The following ARL15 variants were observed in gnomAD, a reference collection of about 807,000 sequenced individuals.
ARL15 encodes the protein ADP-ribosylation factor-like protein 15.
ARL15 carries 19 observed loss-of-function variants against 25.2 expected under a neutral mutation model. That is an observed-to-expected ratio of 0.75 (90% CI 0.53 to 1.10). ARL15 has a LOEUF of 1.10. Ranked by LOEUF, ARL15 falls within the 50% of genes least tolerant of loss-of-function variation. The pLI, the probability that ARL15 is intolerant of heterozygous loss-of-function variation, is 0.00. For missense variants in ARL15, 220 were observed against 246.0 expected (o/e 0.89, Z 0.71); for synonymous variants, 94 against 86.8 (o/e 1.08, Z -0.46).
At chr5:54,112,243 T>C (rs1752763859) in intron 4 of ARL15, among the ~76,000 whole-genome samples, 1 of 152,172 alleles carries the variant, frequency 6.6e-6, no homozygotes, top group South Asian at 2.1e-4. Flanking sequence ...TCATAATAAA[T>C]TGGATTATTC....
chr5:54,029,902 C>T (rs1749921252), intron 4 of ARL15, among the ~76,000 whole-genome samples: 1 of 151,824 alleles, frequency 6.6e-6, no homozygotes, highest in Admixed American at 6.6e-5. Flanking sequence ...GAGGCTGAGG[C>T]AGGAGAATTA....
intron 1 of ARL15, among the ~76,000 whole-genome samples, chr5:54,282,101 A>C (rs554723975): frequency 6.6e-6 from 1 of 152,260 alleles, no homozygotes; most frequent in Admixed American, 6.5e-5. Context: ...AGAATTACTC[A>C]GTCACAAGAT....
At chr5:53,990,958 T>C (rs1362819475) in intron 4 of ARL15, among the ~76,000 whole-genome samples, 1 of 150,600 alleles carries the variant, frequency 6.6e-6, no homozygotes, top group Non-Finnish European at 1.5e-5. Context: ...AGAAACACTA[T>C]TTTTTTTTCT....
In ARL15 at chr5:53,928,649, C is replaced by T. The variant is rs558659631; in HGVS notation, c.463-41936G>A. On this transcript the variant is annotated intron_variant, in intron 4 of 4. Transcript: ENST00000504924. ...TAATATCCATTCATATTAATCCTCC[C>T]GCCCTCAAGTATATGGACATATTTA... Among the ~76,000 whole-genome samples the T allele has an allele frequency of 3.4e-4, 51 of 152,220 alleles. 1 individual carries two copies. In the South Asian group the frequency reaches 7.3e-3, roughly 22 times the overall value.
intron 1 of ARL15, among the ~76,000 whole-genome samples, chr5:54,309,055 C>T (rs973387258): frequency 6.6e-6 from 1 of 152,204 alleles, no homozygotes; most frequent in Non-Finnish European, 1.5e-5. Context: ...TCTGGCAGCT[C>T]TCTTAACTTA....
intron 4 of ARL15, among the ~76,000 whole-genome samples, chr5:53,980,466 T>A (rs1748082990): frequency 6.6e-6 from 1 of 152,218 alleles, no homozygotes; most frequent in Non-Finnish European, 1.5e-5. Flanking sequence ...GCCCCAATTT[T>A]AAGCGCTAAA....
chr5:54,116,790 C>T (rs279744), intron 3 of ARL15, among the ~76,000 whole-genome samples: 6 of 151,908 alleles, frequency 3.9e-5, no homozygotes, highest in Non-Finnish European at 5.9e-5. Flanking sequence ...AAACACAAAA[C>T]GATTATGTAA....
intron 4 of ARL15, among the ~76,000 whole-genome samples, chr5:54,023,433 CTT>C (rs369105094): frequency 1.1e-4 from 17 of 151,864 alleles, no homozygotes; most frequent in African/African-American, 4.1e-4. Context: ...AAATGGCAGA[CTT>C]AAGCTCTAGA....
chr5:54,299,789 C>A (rs1758568723), intron 1 of ARL15, among the ~76,000 whole-genome samples: 2 of 152,064 alleles, frequency 1.3e-5, no homozygotes, highest in South Asian at 4.2e-4. Flanking sequence ...GGGGTTTCAT[C>A]ATGTTGGCCA....
intron 3 of ARL15, among the ~76,000 whole-genome samples, chr5:54,134,568 CTTTTTTTTTTT>C (rs5867914): frequency 3.9e-5 from 2 of 51,796 alleles, no homozygotes; most frequent in African/African-American, 8.1e-5. Context: ...GAATGATTAG[CTTTTTTTTTTT>C]TTTTTTTTTT....
chr5:54,108,843 G>C (rs1479981753), intron 4 of ARL15, among the ~76,000 whole-genome samples: 2 of 151,826 alleles, frequency 1.3e-5, no homozygotes, highest in Non-Finnish European at 2.9e-5. Context: ...AAATACCATA[G>C]AAACACACTA....
At chr5:54,063,901 A>G (rs1751139657) in intron 4 of ARL15, among the ~76,000 whole-genome samples, 3 of 152,114 alleles carry the variant, frequency 2.0e-5, no homozygotes, top group African/African-American at 7.2e-5. Context: ...TAAAACTTAG[A>G]AATTCTCCTT....
intron 1 of ARL15, among the ~76,000 whole-genome samples, chr5:54,268,048 T>C (rs1046369527): frequency 6.6e-6 from 1 of 152,046 alleles, no homozygotes; most frequent in East Asian, 1.9e-4. Flanking sequence ...TCCTGGATAA[T>C]ATCCTGCAGA....
intron 4 of ARL15, among the ~76,000 whole-genome samples, chr5:54,058,052 C>G (rs1163818369): frequency 6.7e-6 from 1 of 150,198 alleles, no homozygotes; most frequent in East Asian, 1.9e-4. Flanking sequence ...GTTCCCCAGG[C>G]TGGAATGCAA....
At chr5:54,156,355 G>C (rs2112354198) in intron 2 of ARL15, among the ~76,000 whole-genome samples, 1 of 152,316 alleles carries the variant, frequency 6.6e-6, no homozygotes, top group Admixed American at 6.5e-5. Context: ...GTAAAACAGG[G>C]ATGATAATAT....
chr5:53,919,818 T>A (rs1745786675), intron 4 of ARL15, among the ~76,000 whole-genome samples: 1 of 152,132 alleles, frequency 6.6e-6, no homozygotes, highest in Non-Finnish European at 1.5e-5. Context: ...GTGTTTGAGT[T>A]GTTGTTTTGT....
At chr5:54,295,975 A>T (rs1380528720) in intron 1 of ARL15, among the ~76,000 whole-genome samples, 1 of 152,250 alleles carries the variant, frequency 6.6e-6, no homozygotes, top group Non-Finnish European at 1.5e-5. Context: ...ATTCCAGAGT[A>T]GCACCTCAGA....
chr5:53,957,384 C>T (rs993625927), intron 4 of ARL15, among the ~76,000 whole-genome samples: 6 of 151,786 alleles, frequency 4.0e-5, no homozygotes, highest in African/African-American at 1.4e-4. Context: ...AAAAATAAAG[C>T]AGAAATTACA....
chr5:54,161,404 C>T (rs2112368549), intron 2 of ARL15, among the ~76,000 whole-genome samples: 1 of 152,204 alleles, frequency 6.6e-6, no homozygotes, highest in Admixed American at 6.5e-5. Context: ...CATAATGTAA[C>T]AATCATAATG....
Sources: allele counts gnomAD v4.1 joint callset (sites outside exome capture counted in the v4.1 genomes callset), GRCh38; gene constraint gnomAD v4.1.1; transcripts MANE v1.5; gene names NCBI Gene and HGNC (gene_info 2026-07-23, HGNC 2026-07-21).